Variants in NRXN2 observed in about 807,000 individuals in gnomAD.
The protein encoded by NRXN2 is neurexin 2, also known as neurexin-2-beta.
NRXN2 carries 29 observed loss-of-function variants against 128.8 expected under a neutral mutation model. The ratio of observed to expected loss-of-function variants is 0.23; its 90% CI spans 0.17 to 0.31. NRXN2 has a LOEUF of 0.31. NRXN2 is among the 10% of genes least tolerant of loss of function. The probability of loss-of-function intolerance (pLI) is 1.00; values close to 1 mark genes in which losing one functional copy is unlikely to be tolerated. For missense variants in NRXN2, 1,881 were observed against 2,452.6 expected (o/e 0.77, Z 4.92); for synonymous variants, 1,098 against 1,075.2 (o/e 1.02, Z -0.41).
Position 64,635,280 on chromosome 11 carries a change from C to G in NRXN2, c.3576G>C (p.Gln1192His). ...DSASGLGDYLQLHIDQGTVGV... is the reference protein window; with the variant it reads ...DSASGLGDYLHLHIDQGTVGV... The stretch of plus-strand genomic sequence containing the variant: ...GGCCCAGGGTCCTTACGATGTGCAG[C>G]TGCAGGTAGTCTCCAAGGCCGGAGG... The change falls in exon 18 of 23, where the codon CAG becomes CAC. Residue 1192 changes from glutamine (Q) to histidine (H), a missense_variant. By Grantham distance (24) the Gln-to-His change is conservative. Coordinates refer to ENST00000265459, the MANE Select transcript of NRXN2 (RefSeq NM_015080.4). This position sits in a 1 kb window ranked among gnomAD's most constrained non-coding sequence, Gnocchi z 4.8. 6.2e-7 allele frequency: 1 copy of G among 1,612,728 alleles called. No individual in the cohort carries two copies. The highest frequency in any genetic ancestry group is 8.5e-7 in the Non-Finnish European group (1 of 1,179,930).
intron 1 of NRXN2, among the ~76,000 whole-genome samples, chr11:64,718,832 AG>A (rs1445146160): frequency 6.6e-6 from 1 of 152,148 alleles, no homozygotes; most frequent in African/African-American, 2.4e-5. Context: ...ATGATCTGGC[AG>A]AAAAAAGGGA....
At chr11:64,641,907 G>A (rs750533172) in intron 17 of NRXN2, among the ~76,000 whole-genome samples, 4 of 151,976 alleles carry the variant, frequency 2.6e-5, no homozygotes, top group African/African-American at 7.3e-5. Flanking sequence ...GGAGAATGGC[G>A]GGACAGTGGA....
chr11:64,690,699 C>T (rs775314762), intron 4 of NRXN2, among the ~76,000 whole-genome samples: 1 of 152,108 alleles, frequency 6.6e-6, no homozygotes, highest in Non-Finnish European at 1.5e-5. Flanking sequence ...TTCATGATCA[C>T]CGACTTCCAC....
At chr11:64,687,909 G>A (rs561571854) in intron 5 of NRXN2, among the ~76,000 whole-genome samples, 9 of 152,304 alleles carry the variant, frequency 5.9e-5, no homozygotes, top group Non-Finnish European at 1.0e-4. Context: ...AACGAAGCCT[G>A]CTGCCCAGGC....
intron 7 of NRXN2, 172 bp downstream of exon 7, chr11:64,676,821 G>C: frequency 1.6e-6 from 1 of 643,154 alleles, no homozygotes; most frequent in African/African-American, 1.8e-5. Context: ...AAAAGGGAAA[G>C]AGGGAAACTA....
chr11:64,649,063 G>A (rs575084016), intron 15 of NRXN2, among the ~76,000 whole-genome samples, 156 bp from the exon 16 acceptor site: 5 of 152,034 alleles, frequency 3.3e-5, no homozygotes, highest in South Asian at 2.1e-4. Context: ...TGCACAACCC[G>A]CACCCCCCCA....
intron 22 of NRXN2, 38 bp from the exon 23 acceptor site, chr11:64,608,120 G>GCGAGGGC: frequency 6.7e-7 from 1 of 1,503,612 alleles, no homozygotes; most frequent in Non-Finnish European, 9.1e-7. Flanking sequence ...GAGGGCGTCA[G>GCGAGGGC]CGAGGGCCAG....
Position 64,668,610 on chromosome 11 carries a change from C to G in NRXN2, c.1198-6G>C, listed in dbSNP as rs766015744. 1.7e-5 allele frequency: 28 copies of G among 1,613,134 alleles called. No homozygotes were observed. In the Admixed American group the frequency reaches 4.7e-4, roughly 27 times the overall value. On this transcript the variant is annotated splice_region_variant and splice_polypyrimidine_tract_variant and intron_variant, in intron 7 of 22. Coordinates refer to ENST00000265459, the MANE Select transcript of NRXN2 (RefSeq NM_015080.4). ...CCGTCCACCGAGATGGTCACCTGTC[C>G]AGCCCAGGAGGGAGGGAGAAAGACA...
At chr11:64,611,925 C>G (rs1448711402) in intron 22 of NRXN2, among the ~76,000 whole-genome samples, 1 of 151,546 alleles carries the variant, frequency 6.6e-6, no homozygotes, top group East Asian at 1.9e-4. Flanking sequence ...ATGACTCCCC[C>G]TCGGTGCCCC....
At chr11:64,609,806 C>T (rs2040335935) in intron 22 of NRXN2, among the ~76,000 whole-genome samples, 1 of 152,112 alleles carries the variant, frequency 6.6e-6, no homozygotes, top group Non-Finnish European at 1.5e-5. Flanking sequence ...CAGCCTAAGC[C>T]CTGCCCACAT....
intron 3 of NRXN2, among the ~76,000 whole-genome samples, 180 bp from the exon 4 acceptor site, chr11:64,693,056 C>G (rs1474001188): frequency 6.6e-6 from 1 of 151,798 alleles, no homozygotes; most frequent in South Asian, 2.1e-4. Flanking sequence ...CGGGGGGAGC[C>G]CCAGCCCAGG....
At chr11:64,647,180 C>G (rs1468015336) in intron 17 of NRXN2, among the ~76,000 whole-genome samples, 2 of 151,608 alleles carry the variant, frequency 1.3e-5, no homozygotes, top group African/African-American at 2.4e-5. Flanking sequence ...CAGCCGTATT[C>G]CATGTCTGTA....
At chr11:64,652,611 C>T (rs1473784851) in intron 12 of NRXN2, among the ~76,000 whole-genome samples, 2 of 152,164 alleles carry the variant, frequency 1.3e-5, no homozygotes, top group Middle Eastern at 3.2e-3. Context: ...ACTTTCAAAA[C>T]TTCACACAGT....
intron 9 of NRXN2, among the ~76,000 whole-genome samples, chr11:64,663,976 A>C (rs1489217134): frequency 6.6e-6 from 1 of 152,250 alleles, no homozygotes; most frequent in Middle Eastern, 3.2e-3. Flanking sequence ...CACTTAACGG[A>C]GGTACCGAGA....
At chr11:64,645,763 C>G (rs2046558112) in intron 17 of NRXN2, among the ~76,000 whole-genome samples, 1 of 152,128 alleles carries the variant, frequency 6.6e-6, no homozygotes, top group African/African-American at 2.4e-5. Flanking sequence ...TGTGACCTCT[C>G]CTCACCCTAG....
At position 64,619,036 on chromosome 11, in the gene NRXN2, C is replaced by T. The variant is rs188521223; in HGVS notation, c.4252+1258G>A. Among the ~76,000 whole-genome samples, 191 of 152,272 alleles carry T rather than the reference C, an allele frequency of 1.3e-3. 2 individuals are homozygous for T. In the East Asian group the frequency reaches 0.023, roughly 18 times the overall value. ...ACACCCCTTCCAAGGTCGTGGCCCA[C>T]CCTCAGCCTGAATGTCTTTTCTGGA... On this transcript the variant is annotated intron_variant, in intron 22 of 22. Transcript: ENST00000265459.
chr11:64,612,753 A>C (rs149314960), intron 22 of NRXN2, among the ~76,000 whole-genome samples: 219 of 152,392 alleles, frequency 1.4e-3, no homozygotes, highest in African/African-American at 4.4e-3. Context: ...ATTCAAGACT[A>C]AGCAGTGAGC....
intron 5 of NRXN2, among the ~76,000 whole-genome samples, chr11:64,687,687 AAGG>A (rs779740569): frequency 6.6e-6 from 1 of 152,192 alleles, no homozygotes; most frequent in Non-Finnish European, 1.5e-5. Flanking sequence ...GAGCCAGGAA[AAGG>A]AGAACCATCG....
At position 64,658,474 on chromosome 11, in the gene NRXN2, G is replaced by A. The variant is rs148289242; in HGVS notation, c.2389+1858C>T. The stretch of plus-strand genomic sequence containing the variant: ...ACCACCCGCTCTACAGGCTGTGATC[G>A]TGGTTAGAAACAGAGCTGAGGGGAA... On this transcript the variant is annotated intron_variant, in intron 11 of 22. Coordinates refer to ENST00000265459, the MANE Select transcript of NRXN2 (RefSeq NM_015080.4). Among the ~76,000 whole-genome samples, 434 of 152,306 alleles carry A rather than the reference G, an allele frequency of 2.8e-3. 1 individual carries two copies. The highest frequency in any genetic ancestry group is 4.4e-3 in the Admixed American group (67 of 15,296).
Sources: gnomAD v4.1 joint callset for allele counts (sites outside exome capture counted in the v4.1 genomes callset) on GRCh38, gnomAD v4.1.1 for gene constraint, Gnocchi (gnomAD v3.1) non-coding constraint, MANE v1.5 for transcripts, NCBI Gene and HGNC (gene_info 2026-07-23, HGNC 2026-07-21) for gene names.